Variants in ADCY8 observed in about 807,000 individuals in gnomAD.
The protein encoded by ADCY8 is adenylate cyclase 8, also known as adenylate cyclase type 8.
Under a neutral mutation model 119.7 loss-of-function variants are expected in ADCY8, and 51 were observed. The observed-to-expected ratio is 0.43, with a 90% CI of 0.34 to 0.54. The LOEUF is 0.54. Among genes scored for constraint, ADCY8 ranks in the 20% least tolerant of loss-of-function variants. ADCY8 has a pLI of 0.03. For missense variants in ADCY8, 1,383 were observed against 1,598.8 expected, an observed-to-expected ratio of 0.87 and a Z score of 2.30; for synonymous variants, 665 against 651.0, an observed-to-expected ratio of 1.02 and a Z score of -0.33.
intron 7 of ADCY8, among the ~76,000 whole-genome samples, chr8:130,899,445 A>G (rs1819520956): frequency 6.6e-6 from 1 of 152,100 alleles, no homozygotes; most frequent in African/African-American, 2.4e-5. Context: ...ATCTCTACTA[A>G]AAATACAAAA....
chr8:131,018,600 A>G (rs1422890714), intron 1 of ADCY8, among the ~76,000 whole-genome samples: 1 of 152,240 alleles, frequency 6.6e-6, no homozygotes, highest in African/African-American at 2.4e-5. Flanking sequence ...TAACACTTAC[A>G]GGCTTGGCAC....
At chr8:130,809,881 C>T (rs1275545339) in intron 14 of ADCY8, among the ~76,000 whole-genome samples, 1 of 152,226 alleles carries the variant, frequency 6.6e-6, no homozygotes, top group South Asian at 2.1e-4. Context: ...CAGGGACATA[C>T]ACAAAAGTTA....
At chr8:130,793,367 A>G (rs1815482384) in intron 15 of ADCY8, among the ~76,000 whole-genome samples, 1 of 152,192 alleles carries the variant, frequency 6.6e-6, no homozygotes, top group Non-Finnish European at 1.5e-5. Context: ...AGTCCTGGGT[A>G]AGCGATGAGT....
chr8:130,986,075 C>G (rs1822393767), intron 2 of ADCY8, among the ~76,000 whole-genome samples: 1 of 152,070 alleles, frequency 6.6e-6, no homozygotes, highest in Admixed American at 6.6e-5. Context: ...GGAGAAGCAG[C>G]AGAATTATGA....
intron 6 of ADCY8, among the ~76,000 whole-genome samples, chr8:130,907,879 G>A (rs781493258): frequency 6.6e-6 from 1 of 152,036 alleles, no homozygotes; most frequent in Non-Finnish European, 1.5e-5. Flanking sequence ...GTAGTTTCTC[G>A]TCCCTTGTCC....
chr8:130,856,454 T>A (rs1287744945), intron 9 of ADCY8, among the ~76,000 whole-genome samples: 1 of 152,072 alleles, frequency 6.6e-6, no homozygotes, highest in African/African-American at 2.4e-5. Context: ...GGCTACCACC[T>A]TCCCATTGAC....
At chr8:130,965,821 C>T (rs1821746384) in intron 2 of ADCY8, among the ~76,000 whole-genome samples, 1 of 151,834 alleles carries the variant, frequency 6.6e-6, no homozygotes, top group South Asian at 2.1e-4. Flanking sequence ...TTTCATAATT[C>T]TTCATTTTAG....
chr8:130,876,795 A>G (rs768058016), intron 8 of ADCY8, among the ~76,000 whole-genome samples: 1 of 152,156 alleles, frequency 6.6e-6, no homozygotes, highest in Non-Finnish European at 1.5e-5. Flanking sequence ...TATATTTGCC[A>G]TATGCATTAC....
At chr8:131,012,822 A>G (rs952375234) in intron 1 of ADCY8, among the ~76,000 whole-genome samples, 2 of 152,188 alleles carry the variant, frequency 1.3e-5, no homozygotes, top group Non-Finnish European at 2.9e-5. Flanking sequence ...AAATTGCGTC[A>G]CAGCTCAACT....
intron 6 of ADCY8, among the ~76,000 whole-genome samples, chr8:130,909,305 C>CA (rs1455227714): frequency 6.6e-6 from 1 of 152,190 alleles, no homozygotes; most frequent in African/African-American, 2.4e-5. Flanking sequence ...CTAGATCATG[C>CA]ATGGAAAGTC....
chr8:130,886,459 T>C (rs2130468857), intron 7 of ADCY8, among the ~76,000 whole-genome samples: 1 of 152,224 alleles, frequency 6.6e-6, no homozygotes, highest in East Asian at 1.9e-4. Context: ...TCCCTGGAAT[T>C]AAATGCTATT....
At chr8:130,794,240 T>C (rs547337283) in intron 15 of ADCY8, among the ~76,000 whole-genome samples, 1 of 152,060 alleles carries the variant, frequency 6.6e-6, no homozygotes, top group East Asian at 2.0e-4. Context: ...CTGGATTTGT[T>C]TGTTTGTTCG....
chr8:130,797,851 G>A (rs1251466973), intron 15 of ADCY8, among the ~76,000 whole-genome samples: 1 of 152,190 alleles, frequency 6.6e-6, no homozygotes, highest in East Asian at 1.9e-4. Flanking sequence ...CAACTACGGT[G>A]ACCATGTTTG....
intron 1 of ADCY8, among the ~76,000 whole-genome samples, chr8:131,037,640 A>G (rs1824202464): frequency 1.3e-5 from 2 of 152,198 alleles, no homozygotes; most frequent in South Asian, 4.1e-4. Context: ...TGAAAAAAAG[A>G]GAAGGCAAAG....
chr8:130,944,456 G>A (rs934890547), intron 3 of ADCY8, among the ~76,000 whole-genome samples: 3 of 152,136 alleles, frequency 2.0e-5, no homozygotes, highest in Admixed American at 6.5e-5. Flanking sequence ...TCTTAGTGTT[G>A]CCTAAAATAA....
intron 7 of ADCY8, among the ~76,000 whole-genome samples, chr8:130,889,463 C>T (rs150421821): frequency 3.3e-5 from 5 of 152,214 alleles, no homozygotes; most frequent in Non-Finnish European, 7.4e-5. Flanking sequence ...GACCACAAAT[C>T]CCCCTTTTCT....
intron 1 of ADCY8, among the ~76,000 whole-genome samples, chr8:130,993,389 T>C (rs2130747752): frequency 6.6e-6 from 1 of 152,316 alleles, no homozygotes; most frequent in African/African-American, 2.4e-5. Flanking sequence ...TTCAGCAGTT[T>C]ATATACCAAA....
chr8:130,834,037 T>G (rs1816914857), intron 12 of ADCY8, among the ~76,000 whole-genome samples: 1 of 151,998 alleles, frequency 6.6e-6, no homozygotes, highest in African/African-American at 2.4e-5. Flanking sequence ...GCTAAGAGAG[T>G]AGATCTTACG....
chr8:131,039,549 A>G lies in ADCY8; in HGVS notation c.785T>C (p.Leu262Pro). ...GCCGTCGCCCAGGAGCCCGTAGCCG[A>G]GGCCTGCTGCCAGGATCTGGGTGGT... ...AMTTQILAAG[L>P]GYGLLGDGIG... Residue 262 changes from leucine (L) to proline (P), a missense_variant, in exon 1 of 18, where the codon CTC (leucine) becomes CCC (proline). Coordinates refer to ENST00000286355, the MANE Select transcript of ADCY8 (RefSeq NM_001115.3). The G allele has an allele frequency of 6.2e-7, 1 of 1,613,822 alleles. No individual in the cohort carries two copies. The highest frequency in any genetic ancestry group is 8.5e-7 in the Non-Finnish European group (1 of 1,180,022).
Sources: allele counts gnomAD v4.1 joint callset (sites outside exome capture counted in the v4.1 genomes callset), GRCh38; gene constraint gnomAD v4.1.1; transcripts MANE v1.5; gene names NCBI Gene and HGNC (gene_info 2026-07-23, HGNC 2026-07-21).